Variants in NCKAP5 observed in about 807,000 individuals in gnomAD.
The protein encoded by NCKAP5 is NCK associated protein 5.
Under a neutral mutation model 167.0 loss-of-function variants are expected in NCKAP5, and 92 were observed. The ratio of observed to expected loss-of-function variants is 0.55; its 90% confidence interval spans 0.47 to 0.66. NCKAP5 has a LOEUF of 0.66. Among genes scored for constraint, NCKAP5 ranks in the 30% least tolerant of loss-of-function variants. NCKAP5 has a pLI of 0.00. For missense variants in NCKAP5, 2,378 were observed against 2,315.0 expected (o/e 1.03, Z -0.56); for synonymous variants, 891 against 877.4 (o/e 1.02, Z -0.27).
intron 10 of NCKAP5, among the ~76,000 whole-genome samples, chr2:132,861,514 G>A (rs1689910827): frequency 6.6e-6 from 1 of 151,262 alleles, no homozygotes; most frequent in Admixed American, 6.6e-5. Flanking sequence ...AAAAAAAAAT[G>A]TCTTCTGTTC....
At chr2:133,495,411 A>C (rs1304839562) in intron 3 of NCKAP5, among the ~76,000 whole-genome samples, 1 of 152,200 alleles carries the variant, frequency 6.6e-6, no homozygotes, top group Non-Finnish European at 1.5e-5. Flanking sequence ...CCAGTTGCTT[A>C]GCACAGAAAC....
chr2:132,723,408 C>T lies in NCKAP5; in HGVS notation c.5713+2219G>A, dbSNP rs539030480. Among the ~76,000 whole-genome samples, 38 of 150,642 alleles carry T rather than the reference C, an allele frequency of 2.5e-4. 1 individual carries two copies. Among genetic ancestry groups the T allele is most frequent in the Non-Finnish European group, 4.4e-4 (30 of 67,624 alleles). ...CGAACTCCTGACCTTGTGATCTACC[C>T]GGCTCGGCCTCCCAAAGTGCTGGGA... On this transcript the variant is annotated intron_variant, in intron 19 of 19. Transcript: ENST00000409261.
chr2:133,605,852 G>T, the NCKAP5 span, among the ~76,000 whole-genome samples: 3 of 152,270 alleles, frequency 2.0e-5, no homozygotes, highest in African/African-American at 7.2e-5. Flanking sequence ...TTACCAAGCT[G>T]CAATGACCTG....
the NCKAP5 span, among the ~76,000 whole-genome samples, chr2:133,613,910 T>C: frequency 1.3e-5 from 2 of 152,190 alleles, no homozygotes; most frequent in African/African-American, 4.8e-5. Flanking sequence ...TTGCCTTCTT[T>C]CTCACAGGTC....
intron 11 of NCKAP5, among the ~76,000 whole-genome samples, chr2:132,855,746 C>T (rs564068039): frequency 1.3e-5 from 2 of 152,332 alleles, no homozygotes; most frequent in East Asian, 3.9e-4. Context: ...TCCCTTATTG[C>T]TCTCACCACA....
rs3050961 is a variant in NCKAP5, at chr2:133,485,034, GATGTAGT to G, written c.69+32417_69+32423del. ...AAAGAAGTCAAACCCTTTCTGGCTTGATGTAGTATATGCCTATCATTCCATCATTCAT... is the reference window on the plus strand; with the variant it reads ...AAAGAAGTCAAACCCTTTCTGGCTTGATATGCCTATCATTCCATCATTCAT... On this transcript the variant is annotated intron_variant, in intron 3 of 19. Transcript: ENST00000409261. Among the ~76,000 whole-genome samples the G allele has an allele frequency of 1.9e-3, 290 of 152,294 alleles. 1 individual carries two copies. The highest frequency in any genetic ancestry group is 6.8e-3 in the African/African-American group (282 of 41,574).
upstream of NCKAP5, among the ~76,000 whole-genome samples, chr2:133,571,013 GA>G (rs146658943): frequency 0.022 from 3,329 of 151,368 alleles, 120 homozygotes; most frequent in African/African-American, 0.075. Flanking sequence ...CTTTAGGGGG[GA>G]AAAAAAAGTC....
chr2:133,302,804 T>G (rs28708750), intron 4 of NCKAP5, among the ~76,000 whole-genome samples: 1 of 149,788 alleles, frequency 6.7e-6, no homozygotes, highest in African/African-American at 2.5e-5. Flanking sequence ...ATAAAAAAAA[T>G]AAATAAATAA....
chr2:133,046,018 G>A (rs900426636), intron 6 of NCKAP5, among the ~76,000 whole-genome samples: 1 of 152,004 alleles, frequency 6.6e-6, no homozygotes, highest in Non-Finnish European at 1.5e-5. Flanking sequence ...TGGACAAAGG[G>A]ATGATTCACA....
chr2:133,186,429 G>A (rs906958937), intron 5 of NCKAP5, among the ~76,000 whole-genome samples: 2 of 152,102 alleles, frequency 1.3e-5, no homozygotes, highest in Non-Finnish European at 2.9e-5. Context: ...TTTTCACTGT[G>A]TCTCTGCAAG....
intron 3 of NCKAP5, among the ~76,000 whole-genome samples, chr2:133,416,869 A>T (rs762289754): frequency 2.0e-5 from 3 of 152,114 alleles, no homozygotes; most frequent in Non-Finnish European, 4.4e-5. Flanking sequence ...AACTTCCTCG[A>T]GGTTTGGAAA....
intron 3 of NCKAP5, among the ~76,000 whole-genome samples, chr2:133,480,505 C>T (rs1251477768): frequency 6.6e-6 from 1 of 151,966 alleles, no homozygotes; most frequent in Admixed American, 6.6e-5. Flanking sequence ...TGATCCTGTG[C>T]ATAGAGCCTC....
chr2:133,193,482 T>C (rs1172785246), intron 5 of NCKAP5, among the ~76,000 whole-genome samples: 1 of 152,116 alleles, frequency 6.6e-6, no homozygotes, highest in Non-Finnish European at 1.5e-5. Context: ...AATGAAAACA[T>C]CTGTTAACCA....
chr2:133,164,602 G>A (rs139125910), intron 5 of NCKAP5, among the ~76,000 whole-genome samples: 73 of 152,292 alleles, frequency 4.8e-4, no homozygotes, highest in East Asian at 3.1e-3. Flanking sequence ...AACCTGCTCT[G>A]CATCTTGTCT....
intron 7 of NCKAP5, among the ~76,000 whole-genome samples, chr2:132,987,928 C>A (rs1431597870): frequency 6.6e-6 from 1 of 152,192 alleles, no homozygotes; most frequent in Non-Finnish European, 1.5e-5. Flanking sequence ...ATTACAGTAA[C>A]TCTTTCAAAG....
chr2:132,875,344 T>G (rs763050973), intron 9 of NCKAP5, among the ~76,000 whole-genome samples: 54 of 152,182 alleles, frequency 3.5e-4, no homozygotes, highest in Non-Finnish European at 7.1e-4. Context: ...TTTCCAATTC[T>G]GCCCCCTCCT....
intron 6 of NCKAP5, among the ~76,000 whole-genome samples, chr2:133,077,063 T>C (rs943939770): frequency 6.6e-6 from 1 of 152,194 alleles, no homozygotes; most frequent in Non-Finnish European, 1.5e-5. Flanking sequence ...ACTAACTTTT[T>C]GGATATTCTT....
At chr2:132,734,640 G>A (rs1457932825) in intron 16 of NCKAP5, among the ~76,000 whole-genome samples, 1 of 152,174 alleles carries the variant, frequency 6.6e-6, no homozygotes, top group Non-Finnish European at 1.5e-5. Flanking sequence ...GCTATTAGGA[G>A]TTCTGCTTTC....
intron 16 of NCKAP5, among the ~76,000 whole-genome samples, chr2:132,744,630 A>G (rs1679487769): frequency 7.7e-6 from 1 of 129,562 alleles, no homozygotes; most frequent in East Asian, 3.1e-4. Flanking sequence ...TGAAATTAAG[A>G]AAATTAAAAA....
Sources: allele counts gnomAD v4.1 joint callset (sites outside exome capture counted in the v4.1 genomes callset), GRCh38; gene constraint gnomAD v4.1.1; transcripts MANE v1.5; gene names NCBI Gene and HGNC (gene_info 2026-07-23, HGNC 2026-07-21).